The following PACRG variants were observed in gnomAD, a reference collection of about 807,000 sequenced individuals.
The protein encoded by PACRG is parkin coregulated.
Under a neutral mutation model 29.7 loss-of-function variants are expected in PACRG, and 29 were observed. The ratio of observed to expected loss-of-function variants is 0.98; its 90% CI spans 0.73 to 1.33. The LOEUF (loss-of-function observed/expected upper bound fraction) is 1.33, where lower values mean the gene tolerates loss of function less well. Ranked by LOEUF, PACRG falls within the 40% of genes most tolerant of loss-of-function variation. The pLI, the probability that PACRG is intolerant of heterozygous loss-of-function variation, is 0.00. For missense variants in PACRG, 279 were observed against 316.2 expected (o/e 0.88, Z 0.89); for synonymous variants, 116 against 118.7 (o/e 0.98, Z 0.15).
intron 2 of PACRG, among the ~76,000 whole-genome samples, chr6:162,941,360 G>A (rs1388603743): frequency 2.0e-5 from 3 of 152,098 alleles, no homozygotes; most frequent in Non-Finnish European, 4.4e-5. Flanking sequence ...TCCCTTCCAC[G>A]TGTGCCACAT....
chr6:163,122,824 A>G (rs567281738), intron 4 of PACRG, among the ~76,000 whole-genome samples: 158 of 152,344 alleles, frequency 1.0e-3, no homozygotes, highest in African/African-American at 3.6e-3. Context: ...ACATACATTT[A>G]TGTTACCATC....
At chr6:163,043,867 A>T (rs116509782) in intron 2 of PACRG, among the ~76,000 whole-genome samples, 1 of 152,278 alleles carries the variant, frequency 6.6e-6, no homozygotes, top group African/African-American at 2.4e-5. Context: ...GCAGTTTATG[A>T]GGCCTCTAAG....
At chr6:162,968,995 C>A (rs1284075122) in intron 2 of PACRG, among the ~76,000 whole-genome samples, 3 of 141,530 alleles carry the variant, frequency 2.1e-5, no homozygotes, top group African/African-American at 5.2e-5. Flanking sequence ...TGCAGTGAGC[C>A]GAGATCGCAC....
At chr6:162,751,152 GA>G (rs1781486504) in intron 1 of PACRG, among the ~76,000 whole-genome samples, 1 of 149,056 alleles carries the variant, frequency 6.7e-6, no homozygotes, top group African/African-American at 2.4e-5. Flanking sequence ...TTTTAGAAAT[GA>G]TTTTTTTTTT....
chr6:163,188,770 G>A (rs1354517234), intron 4 of PACRG, among the ~76,000 whole-genome samples: 1 of 152,194 alleles, frequency 6.6e-6, no homozygotes, highest in East Asian at 1.9e-4. Flanking sequence ...GTGTCGTTCT[G>A]TTGTGTTTGA....
chr6:163,026,257 G>A (rs1807121387), intron 2 of PACRG, among the ~76,000 whole-genome samples: 1 of 152,192 alleles, frequency 6.6e-6, no homozygotes, highest in Non-Finnish European at 1.5e-5. Context: ...AAAATTATAT[G>A]CATTTAGCTA....
intron 1 of PACRG, among the ~76,000 whole-genome samples, chr6:162,748,716 A>G (rs1161822451): frequency 1.3e-5 from 2 of 152,180 alleles, no homozygotes; most frequent in South Asian, 4.1e-4. Context: ...CCCCTCCCCC[A>G]GGTTCACATC....
rs565193040 is a variant in PACRG, at chr6:162,879,585, G to A, written c.291+65304G>A. On this transcript the variant is annotated intron_variant, in intron 2 of 4. Coordinates refer to ENST00000366888, the MANE Select transcript of PACRG (RefSeq NM_001080379.2). ...TAAATCAATCCAATGTAGGACATAA[G>A]AAGTTAATCTAGCAAAGGTTTTACT... Among the ~76,000 whole-genome samples, 4 of 152,356 alleles carry A rather than the reference G, an allele frequency of 2.6e-5. 1 individual carries two copies. The South Asian group carries it at 8.3e-4, about 32-fold the overall frequency.
chr6:162,764,616 T>A (rs1282625099), intron 1 of PACRG, among the ~76,000 whole-genome samples: 1 of 152,180 alleles, frequency 6.6e-6, no homozygotes, highest in Non-Finnish European at 1.5e-5. Context: ...AAACTAATTG[T>A]TCTTCCCATC....
chr6:163,195,746 T>A (rs1780425050), intron 4 of PACRG, among the ~76,000 whole-genome samples: 1 of 152,170 alleles, frequency 6.6e-6, no homozygotes, highest in Non-Finnish European at 1.5e-5. Context: ...ATTCTGCGCC[T>A]AAAGACACAC....
intron 4 of PACRG, among the ~76,000 whole-genome samples, chr6:163,289,415 T>G (rs1784506116): frequency 6.6e-6 from 1 of 152,248 alleles, no homozygotes; most frequent in Non-Finnish European, 1.5e-5. Context: ...CATATGAATC[T>G]TGAGTCAGTT....
At chr6:162,904,111 T>A (rs1795767209) in intron 2 of PACRG, among the ~76,000 whole-genome samples, 1 of 152,216 alleles carries the variant, frequency 6.6e-6, no homozygotes, top group Admixed American at 6.5e-5. Flanking sequence ...TCCTTCCTCC[T>A]CCTTCAGAAC....
chr6:163,188,974 C>A (rs541978925), intron 4 of PACRG, among the ~76,000 whole-genome samples: 1 of 152,242 alleles, frequency 6.6e-6, no homozygotes, highest in South Asian at 2.1e-4. Context: ...TTGTAAGTGA[C>A]CAACATACTT....
chr6:162,824,228 A>C (rs1788085917), intron 2 of PACRG, among the ~76,000 whole-genome samples: 1 of 152,120 alleles, frequency 6.6e-6, no homozygotes, highest in Admixed American at 6.5e-5. Context: ...TTTGTCTTGA[A>C]AGGCAACTAC....
chr6:163,025,198 A>G (rs536766266), intron 2 of PACRG, among the ~76,000 whole-genome samples: 53 of 152,312 alleles, frequency 3.5e-4, no homozygotes, highest in African/African-American at 1.2e-3. Context: ...CCACTCTTAC[A>G]AATCCTATTC....
At position 163,080,421 on chromosome 6, in the gene PACRG, G is replaced by T. The variant is rs147613918; in HGVS notation, c.464-8838G>T. Among the ~76,000 whole-genome samples, 765 of 151,996 alleles carry T rather than the reference G, an allele frequency of 5.0e-3. 5 individuals carry two copies. The highest frequency in any genetic ancestry group is 0.018 in the African/African-American group (738 of 41,266). ...GCTGATGGGTTTACTCTCAGTTTCT[G>T]TGAGACGTGCTCATACGTGTGTAAG... On this transcript the variant is annotated intron_variant, in intron 3 of 4. Transcript: ENST00000366888.
At chr6:163,239,104 C>A (rs527733066) in intron 4 of PACRG, among the ~76,000 whole-genome samples, 1 of 152,322 alleles carries the variant, frequency 6.6e-6, no homozygotes, top group Non-Finnish European at 1.5e-5. Context: ...CGATAAATTA[C>A]TGAACAAGGC....
chr6:163,233,227 T>G (rs6455879), intron 4 of PACRG, among the ~76,000 whole-genome samples: 51,547 of 152,144 alleles, frequency 0.34, 8,862 homozygotes, highest in South Asian at 0.44. Context: ...TACATCTCTG[T>G]TAGGAGATTT....
chr6:162,754,320 T>G (rs1255896569), intron 1 of PACRG, among the ~76,000 whole-genome samples: 1 of 152,202 alleles, frequency 6.6e-6, no homozygotes, highest in Non-Finnish European at 1.5e-5. Flanking sequence ...TGTCCAATTT[T>G]TAATCAGGTT....
Sources: gnomAD v4.1 joint callset for allele counts (sites outside exome capture counted in the v4.1 genomes callset) on GRCh38, gnomAD v4.1.1 for gene constraint, MANE v1.5 for transcripts, NCBI Gene and HGNC (gene_info 2026-07-23, HGNC 2026-07-21) for gene names.